Variants in FAM50B observed in about 807,000 individuals in gnomAD.
The protein encoded by FAM50B is protein FAM50B.
FAM50B carries 9 observed loss-of-function variants against 25.4 expected under a neutral mutation model. The observed-to-expected ratio is 0.35, with a 90% CI of 0.21 to 0.62. The LOEUF is 0.62. Ranked by LOEUF, FAM50B falls within the 20% of genes least tolerant of loss-of-function variation. FAM50B has a pLI of 0.73. For synonymous variants in FAM50B, 212 were observed against 204.3 expected (o/e 1.04, Z -0.32); for missense variants, 372 against 477.9 (o/e 0.78, Z 2.07).
At chr6:3,834,717 T>TA in the FAM50B span, among the ~76,000 whole-genome samples, 1 of 150,296 alleles carries the variant, frequency 6.7e-6, no homozygotes, top group Non-Finnish European at 1.5e-5. Flanking sequence ...TGTTTAACAA[T>TA]AAAAAACTGG....
upstream of FAM50B, among the ~76,000 whole-genome samples, chr6:3,849,208 C>T (rs1034090596): frequency 5.9e-5 from 9 of 152,218 alleles, no homozygotes; most frequent in South Asian, 2.1e-4. Flanking sequence ...CGCGCTGGCC[C>T]GCCCCACAGG....
chr6:3,844,901 C>G (rs757370454), upstream of FAM50B, among the ~76,000 whole-genome samples: 10 of 152,144 alleles, frequency 6.6e-5, no homozygotes, highest in Non-Finnish European at 1.5e-4. Flanking sequence ...ATTTACATTT[C>G]TTTTCAAACT....
chr6:3,837,433 A>G, the FAM50B span, among the ~76,000 whole-genome samples: 1 of 152,222 alleles, frequency 6.6e-6, no homozygotes, highest in African/African-American at 2.4e-5. Flanking sequence ...ACATTTTACT[A>G]AAGAAGATGT....
chr6:3,838,160 C>G, the FAM50B span, among the ~76,000 whole-genome samples: 1 of 152,216 alleles, frequency 6.6e-6, no homozygotes, highest in African/African-American at 2.4e-5. Flanking sequence ...TGAAAACAAG[C>G]TGGGACTGGG....
upstream of FAM50B, chr6:3,849,272 AG>A: frequency 6.5e-6 from 1 of 153,366 alleles, no homozygotes; most frequent in Non-Finnish European, 1.5e-5. Flanking sequence ...CCTCCCCGCC[AG>A]GGGGCGATCC....
At chr6:3,843,014 TTTTG>T in the FAM50B span, among the ~76,000 whole-genome samples, 6 of 152,230 alleles carry the variant, frequency 3.9e-5, no homozygotes, top group South Asian at 2.1e-4. Context: ...TTTGTTAATA[TTTTG>T]TTTGGGCATT....
chr6:3,850,582 G>A lies in FAM50B; in HGVS notation c.771G>A (p.Arg257=). ...YHTFYDFIIA[R]ARGKSGPLFS... ...CCTTCTACGACTTCATCATCGCCAG[G>A]GCGAGGGGCAAGAGCGGGCCGCTCT... is the stretch of plus-strand genomic sequence containing the variant. The change falls in exon 2 of 2, where the codon AGG becomes AGA. Residue 257 remains arginine, a synonymous_variant. Transcript: ENST00000648326. The A allele has an allele frequency of 1.9e-6, 3 of 1,614,090 alleles. No individual in the cohort carries two copies. Among genetic ancestry groups the A allele is most frequent in the Non-Finnish European group, 2.5e-6 (3 of 1,180,034 alleles).
At chr6:3,849,120 C>G (rs1251009235), upstream of FAM50B, among the ~76,000 whole-genome samples, 2 of 152,304 alleles carry the variant, frequency 1.3e-5, no homozygotes, top group East Asian at 3.9e-4. Context: ...GGGGCCCGCC[C>G]TGCCCACAGC....
chr6:3,848,921 A>G (rs1157732078), upstream of FAM50B, among the ~76,000 whole-genome samples: 1 of 152,158 alleles, frequency 6.6e-6, no homozygotes, highest in African/African-American at 2.4e-5. Flanking sequence ...AATTACAGGC[A>G]GTGGTGCGCA....
upstream of FAM50B, among the ~76,000 whole-genome samples, chr6:3,849,122 G>A (rs1427698755): frequency 1.3e-5 from 2 of 152,166 alleles, no homozygotes; most frequent in East Asian, 1.9e-4. Flanking sequence ...GGCCCGCCCT[G>A]CCCACAGCGT....
chr6:3,842,111 C>G, the FAM50B span, among the ~76,000 whole-genome samples: 1 of 152,234 alleles, frequency 6.6e-6, no homozygotes, highest in Non-Finnish European at 1.5e-5. Context: ...GTTCCCTTCC[C>G]AGGACCTGAA....
At chr6:3,847,494 A>G (rs1762136788), upstream of FAM50B, among the ~76,000 whole-genome samples, 2 of 152,230 alleles carry the variant, frequency 1.3e-5, no homozygotes, top group African/African-American at 4.8e-5. Flanking sequence ...TCTCAGCTTC[A>G]CAGAATTGAA....
chr6:3,838,281 A>C, the FAM50B span, among the ~76,000 whole-genome samples: 3 of 151,998 alleles, frequency 2.0e-5, no homozygotes, highest in Non-Finnish European at 4.4e-5. Flanking sequence ...ACTGCACTCC[A>C]GCCTGGGCAA....
Position 3,850,340 on chromosome 6 carries a change from C to T in FAM50B, c.529C>T (p.Arg177Cys). 1.2e-6 allele frequency: 2 copies of T among 1,613,254 alleles called. No homozygotes were observed. The highest frequency in any genetic ancestry group is 1.7e-6 in the Non-Finnish European group (2 of 1,179,828). ...EELRQEWEAQ[R>C]EKVKDEEMEV... is the part of the protein sequence containing the mutation. ...GCTGCGCCAAGAGTGGGAGGCGCAG[C>T]GCGAGAAAGTGAAGGACGAGGAGAT... The change falls in exon 2 of 2, where the codon CGC becomes TGC. Residue 177 changes from arginine (R) to cysteine (C), a missense_variant. By Grantham distance (180) the Arg-to-Cys change is radical. This residue lies in a region of FAM50B where 224 missense variants were observed against 232.2 expected (regional missense o/e 0.96). Transcript: ENST00000648326.
the FAM50B span, among the ~76,000 whole-genome samples, chr6:3,843,978 C>T: frequency 5.0e-4 from 76 of 152,284 alleles, no homozygotes; most frequent in African/African-American, 1.7e-3. Flanking sequence ...TCAGCTGTTT[C>T]ATTTCAAGGC....
chr6:3,846,308 T>C (rs1762122074), upstream of FAM50B, among the ~76,000 whole-genome samples: 1 of 152,248 alleles, frequency 6.6e-6, no homozygotes, highest in South Asian at 2.1e-4. Flanking sequence ...TTTTAAATTT[T>C]CTAGTGCATA....
chr6:3,833,946 T>C, the FAM50B span: 1 of 152,218 alleles, frequency 6.6e-6, no homozygotes, highest in Non-Finnish European at 1.5e-5. Flanking sequence ...TGATAGAATA[T>C]ACAATACAAG....
chr6:3,848,402 T>C (rs918160489), upstream of FAM50B, among the ~76,000 whole-genome samples: 5 of 152,214 alleles, frequency 3.3e-5, no homozygotes, highest in African/African-American at 1.2e-4. Context: ...TGGAGGAACG[T>C]CATTCCAGGA....
At chr6:3,840,829 C>G in the FAM50B span, among the ~76,000 whole-genome samples, 1 of 152,166 alleles carries the variant, frequency 6.6e-6, no homozygotes, top group African/African-American at 2.4e-5. Flanking sequence ...TTTGTCAATA[C>G]TTACATAACT....
Sources: allele counts gnomAD v4.1 joint callset (sites outside exome capture counted in the v4.1 genomes callset), GRCh38; gene constraint gnomAD v4.1.1; regional missense constraint gnomAD v4.1.1; transcripts MANE v1.5; gene names NCBI Gene and HGNC (gene_info 2026-07-23, HGNC 2026-07-21).